CDX1: variants seen among roughly 807,000 people sequenced by gnomAD.
CDX1 encodes the protein homeobox protein CDX-1.
CDX1 carries 9 observed loss-of-function variants against 16.9 expected under a neutral mutation model. The observed-to-expected ratio is 0.53, with a 90% CI of 0.32 to 0.93. CDX1 has a LOEUF of 0.93. Ranked by LOEUF, CDX1 falls within the 40% of genes least tolerant of loss-of-function variation. The pLI is 0.04. For synonymous variants in CDX1, 179 were observed against 179.0 expected (o/e 1.00, Z 0.00); for missense variants, 393 against 386.1 (o/e 1.02, Z -0.15).
rs1752525151 is a variant in CDX1, at chr5:150,184,462, G to T, written c.*782G>T. ...GTTGTATATAGAGTGGAATCTCTTG[G>T]ATGCAGCTTCAAGAATAAATTTTTC... On this transcript the variant is annotated 3_prime_UTR_variant, in exon 3 of 3. Coordinates refer to ENST00000231656, the MANE Select transcript of CDX1 (RefSeq NM_001804.3). The T allele has an allele frequency of 6.6e-6, 1 of 152,208 alleles. No individual in the cohort carries two copies. The highest frequency in any genetic ancestry group is 1.5e-5 in the Non-Finnish European group (1 of 68,042). 9.4% of individuals were successfully genotyped at this position (152,208 alleles called of 1,614,324 possible).
intron 1 of CDX1, among the ~76,000 whole-genome samples, chr5:150,182,167 T>C (rs964435584): frequency 1.3e-5 from 2 of 152,190 alleles, no homozygotes; most frequent in Admixed American, 6.5e-5. Flanking sequence ...TCTTCCCTTC[T>C]CTCTTCTCTT....
chr5:150,181,694 G>A (rs971510587), intron 1 of CDX1, among the ~76,000 whole-genome samples: 4 of 152,102 alleles, frequency 2.6e-5, no homozygotes, highest in African/African-American at 7.2e-5. Flanking sequence ...TAAATTCCCA[G>A]TCCTCCTTCC....
In CDX1 at chr5:150,166,862, G is replaced by C; in HGVS notation, c.-15G>C. The stretch of plus-strand genomic sequence containing the variant: ...GCTCCAGGGCCCAGCATGCGCGGGG[G>C]ACCCCGCGGCCACCATGTATGTGGG... On this transcript the variant is annotated 5_prime_UTR_variant, in exon 1 of 3. Transcript: ENST00000231656. 1.4e-6 allele frequency: 2 copies of C among 1,464,666 alleles called. No homozygotes were observed. Among genetic ancestry groups the C allele is most frequent in the Non-Finnish European group, 1.8e-6 (2 of 1,111,276 alleles). The allele number at this position is 1,464,666 out of a possible 1,614,324, so 90.7% of individuals were successfully genotyped here.
At chr5:150,175,816 T>C (rs1450071493) in intron 1 of CDX1, among the ~76,000 whole-genome samples, 1 of 152,202 alleles carries the variant, frequency 6.6e-6, no homozygotes, top group Non-Finnish European at 1.5e-5. Context: ...CCCAGGTCAG[T>C]GTGTTCTTGG....
At chr5:150,169,046 G>A in intron 1 of CDX1, among the ~76,000 whole-genome samples, 1 of 152,182 alleles carries the variant, frequency 6.6e-6, no homozygotes, top group East Asian at 1.9e-4. Flanking sequence ...TCTGGAGAAG[G>A]AAGCCTGTGT....
In CDX1 at chr5:150,166,839, T is replaced by C. The variant is rs935579539; in HGVS notation, c.-38T>C. The C allele has an allele frequency of 3.6e-6, 5 of 1,376,860 alleles. No individual in the cohort carries two copies. Among genetic ancestry groups the C allele is most frequent in the African/African-American group, 1.6e-5 (1 of 64,472 alleles). The allele number at this position is 1,376,860 out of a possible 1,614,324, so 85.3% of individuals were successfully genotyped here. On this transcript the variant is annotated 5_prime_UTR_variant, in exon 1 of 3. Coordinates refer to ENST00000231656, the MANE Select transcript of CDX1 (RefSeq NM_001804.3). ...CGTCGGGGCGGCCGGCAGCGGCGGC[T>C]CCAGGGCCCAGCATGCGCGGGGGAC... is the stretch of plus-strand genomic sequence containing the variant.
chr5:150,167,276 G>C lies in CDX1; in HGVS notation c.400G>C (p.Glu134Gln). The C allele has an allele frequency of 7.9e-7, 1 of 1,268,166 alleles. No individual in the cohort carries two copies. Among genetic ancestry groups the C allele is most frequent in the Non-Finnish European group, 9.9e-7 (1 of 1,012,966 alleles). 78.6% of individuals were successfully genotyped at this position (1,268,166 alleles called of 1,614,324 possible). The change falls in exon 1 of 3, where the codon GAG becomes CAG. Residue 134 changes from glutamate (E) to glutamine (Q), a missense_variant. By Grantham distance (29) the Glu-to-Gln change is conservative (BLOSUM62 2). Coordinates refer to ENST00000231656, the MANE Select transcript of CDX1 (RefSeq NM_001804.3). ...CGGAGCGCAGAGGCCGACGCCCTACGAGTGGATGCGGCGCAGCGTGGCGGC... is the reference window on the plus strand; with the variant it reads ...CGGAGCGCAGAGGCCGACGCCCTACCAGTGGATGCGGCGCAGCGTGGCGGC... ...SPGAQRPTPY[E>Q]WMRRSVAAGG... is the part of the protein sequence containing the mutation.
At chr5:150,167,941 G>C (rs1235939431) in intron 1 of CDX1, among the ~76,000 whole-genome samples, 2 of 152,210 alleles carry the variant, frequency 1.3e-5, no homozygotes, top group East Asian at 1.9e-4. Flanking sequence ...CAGTGGGAAG[G>C]GGGGCTACTG....
Position 150,167,191 on chromosome 5 carries a change from T to G in CDX1, c.315T>G (p.Pro105=), listed in dbSNP as rs1761437454. 3.1e-6 allele frequency: 4 copies of G among 1,269,886 alleles called. No homozygotes were observed. The highest frequency in any genetic ancestry group is 4.3e-5 in the Admixed American group (1 of 23,528). The allele number at this position is 1,269,886 out of a possible 1,614,324, so 78.7% of individuals were successfully genotyped here. A position where few individuals can be genotyped will look rare whatever the true frequency, so the allele number is the denominator to read the frequency against. The part of the protein sequence containing the change: ...PPDFSPVPAP[P]GPGPGLLAQP... ...ACTTTAGCCCGGTGCCGGCGCCCCC[T>G]GGGCCCGGCCCGGGCCTCCTGGCGC... Residue 105 remains proline (P), a synonymous_variant, in exon 1 of 3, where the codon CCT becomes CCG. Transcript: ENST00000231656.
rs1289381374 is a variant in CDX1, at chr5:150,167,266, G to T, written c.390G>T (p.Pro130=). 1 of 1,268,090 alleles carries T rather than the reference G, an allele frequency of 7.9e-7. No homozygotes were observed. Among genetic ancestry groups the T allele is most frequent in the Non-Finnish European group, 9.9e-7 (1 of 1,013,154 alleles). 78.6% of individuals were successfully genotyped at this position (1,268,090 alleles called of 1,614,324 possible). A position where few individuals can be genotyped will look rare whatever the true frequency, so the allele number is the denominator to read the frequency against. ...CGTCCTCGCCCGGAGCGCAGAGGCCGACGCCCTACGAGTGGATGCGGCGCA... is the reference window on the plus strand; with the variant it reads ...CGTCCTCGCCCGGAGCGCAGAGGCCTACGCCCTACGAGTGGATGCGGCGCA... The part of the protein sequence containing the change: ...GTPSSPGAQR[P]TPYEWMRRSV... The change falls in exon 1 of 3, where the codon CCG becomes CCT. Residue 130 remains proline (P), a synonymous_variant. Transcript: ENST00000231656.
intron 1 of CDX1, 67 bp from the exon 2 acceptor site, chr5:150,182,701 G>A (rs1212664650): frequency 8.1e-6 from 12 of 1,474,148 alleles, no homozygotes; most frequent in Non-Finnish European, 1.1e-5. Flanking sequence ...TGGGGGTCCT[G>A]CCTGGGCCTT....
At chr5:150,168,160 T>C (rs1264456005) in intron 1 of CDX1, among the ~76,000 whole-genome samples, 1 of 152,248 alleles carries the variant, frequency 6.6e-6, no homozygotes, top group Non-Finnish European at 1.5e-5. Context: ...CGACGTTCCA[T>C]TGTCCGGACT....
intron 2 of CDX1, among the ~76,000 whole-genome samples, chr5:150,183,141 A>G (rs1372967433): frequency 6.6e-6 from 1 of 152,222 alleles, no homozygotes. Context: ...GCCACAGGCT[A>G]CAGCAGGCTA....
Position 150,182,700 on chromosome 5 carries a change from T to G in CDX1, c.446-68T>G, listed in dbSNP as rs867323349. 15 of 1,469,420 alleles carry G rather than the reference T, an allele frequency of 1.0e-5. No individual in the cohort carries two copies. In the African/African-American group the frequency reaches 1.6e-4, roughly 16 times the overall value. 91.0% of individuals were successfully genotyped at this position (1,469,420 alleles called of 1,614,324 possible). A position where few individuals can be genotyped will look rare whatever the true frequency, so the allele number is the denominator to read the frequency against. The stretch of plus-strand genomic sequence containing the variant: ...TGGATTGTCTTCCTCCTGGGGGTCC[T>G]GCCTGGGCCTTTTTTGTAGCCTCCT... On this transcript the variant is annotated intron_variant, in intron 1 of 2. Transcript: ENST00000231656.
At chr5:150,173,287 G>A (rs559251683) in intron 1 of CDX1, among the ~76,000 whole-genome samples, 1 of 152,324 alleles carries the variant, frequency 6.6e-6, no homozygotes. Flanking sequence ...CCTAGGCATT[G>A]GAGATGATGG....
Position 150,167,314 on chromosome 5 carries a change from T to C in CDX1, c.438T>C (p.Gly146=). 7.9e-7 allele frequency: 1 copy of C among 1,263,298 alleles called. No homozygotes were observed. The highest frequency in any genetic ancestry group is 9.9e-7 in the Non-Finnish European group (1 of 1,010,032). The allele number at this position is 1,263,298 out of a possible 1,614,324, so 78.3% of individuals were successfully genotyped here. A position where few individuals can be genotyped will look rare whatever the true frequency, so the allele number is the denominator to read the frequency against. ...GCAGCGTGGCGGCCGGAGGCGGCGG[T>C]GGCAGCGGTAAGGACCCTTCCCTCG... ...MRRSVAAGGG[G]GSGKTRTKDK... Residue 146 remains glycine, a synonymous_variant, in exon 1 of 3, where the codon GGT becomes GGC. Coordinates refer to ENST00000231656, the MANE Select transcript of CDX1 (RefSeq NM_001804.3).
Position 150,183,589 on chromosome 5 carries a change from C to T in CDX1, c.707C>T (p.Ala236Val), listed in dbSNP as rs1173859480. 6.2e-7 allele frequency: 1 copy of T among 1,610,612 alleles called. No homozygotes were observed. The highest frequency in any genetic ancestry group is 2.2e-5 in the East Asian group (1 of 44,840). ...GCCCACGACATCACGGCCACCCCAGCCGGGCCATCCCTGGGGGGCCTGTGT... is the reference window on the plus strand; with the variant it reads ...GCCCACGACATCACGGCCACCCCAGTCGGGCCATCCCTGGGGGGCCTGTGT... ...PMAHDITATPAGPSLGGLCPS... is the reference protein window; with the variant it reads ...PMAHDITATPVGPSLGGLCPS... Residue 236 changes from alanine to valine, a missense_variant, in exon 3 of 3, where the codon GCC becomes GTC. Physicochemically the swap from Ala to Val is moderately conservative, Grantham distance 64. Coordinates refer to ENST00000231656, the MANE Select transcript of CDX1 (RefSeq NM_001804.3).
chr5:150,176,657 C>T (rs144332968), intron 1 of CDX1, among the ~76,000 whole-genome samples: 1 of 152,290 alleles, frequency 6.6e-6, no homozygotes, highest in Non-Finnish European at 1.5e-5. Flanking sequence ...CTCGAGGGCA[C>T]TTGGACTGGT....
chr5:150,174,813 G>A (rs1761547746), intron 1 of CDX1, among the ~76,000 whole-genome samples: 1 of 138,740 alleles, frequency 7.2e-6, no homozygotes, highest in Admixed American at 7.5e-5. Context: ...TTTTGCTCTT[G>A]TCGCCCAGGC....
Sources: allele counts gnomAD v4.1 joint callset (sites outside exome capture counted in the v4.1 genomes callset), GRCh38; gene constraint gnomAD v4.1.1; transcripts MANE v1.5; gene names NCBI Gene and HGNC (gene_info 2026-07-23, HGNC 2026-07-21).